ACADVL: variants seen among roughly 807,000 people sequenced by gnomAD.
The protein encoded by ACADVL is very long-chain acyl-CoA dehydrogenase, mitochondrial.
A neutral mutation model predicts 80.4 loss-of-function variants in ACADVL; 73 were observed. The ratio of observed to expected loss-of-function variants is 0.91; its 90% CI spans 0.75 to 1.10. The LOEUF (loss-of-function observed/expected upper bound fraction) is 1.10. Among genes scored for constraint, ACADVL ranks in the 50% least tolerant of loss-of-function variants. The pLI is 0.00. For missense variants in ACADVL, 878 were observed against 858.9 expected, an observed-to-expected ratio of 1.02 and a Z score of -0.28; for synonymous variants, 392 against 326.5, an observed-to-expected ratio of 1.20 and a Z score of -2.16.
intron 6 of ACADVL, 104 bp downstream of exon 6, chr17:7,221,162 C>A: frequency 6.3e-7 from 1 of 1,577,536 alleles, no homozygotes; most frequent in Non-Finnish European, 8.6e-7. Flanking sequence ...CTCTTCTAAG[C>A]ACCTGCCCTG....
At chr17:7,221,428 TAGGTCAGGAACTGCCC>T in intron 6 of ACADVL, 94 bp from the exon 7 acceptor site, 1 of 248,334 alleles carries the variant, frequency 4.0e-6, no homozygotes, top group Non-Finnish European at 5.4e-6. Flanking sequence ...GGCACTGCCC[TAGGTCAGGAACTGCCC>T]TAGGTCAGGA....
intron 1 of ACADVL, 34 bp from the exon 2 acceptor site, chr17:7,220,088 C>T (rs772487853): frequency 5.0e-6 from 8 of 1,593,900 alleles, no homozygotes; most frequent in Non-Finnish European, 6.8e-6. Context: ...CGGCCCTGGG[C>T]ACCGGGCCGG....
chr17:7,224,098 G>A lies in ACADVL; in HGVS notation c.1434+29G>A, dbSNP rs753273050. On this transcript the variant is annotated intron_variant, in intron 14 of 19. Coordinates refer to ENST00000356839, the MANE Select transcript of ACADVL (RefSeq NM_000018.4). ...AGACAGAGAATTGGGTGGGGGTAGA[G>A]GTGGGGAGGACAGTGAGTCCTGACT... 5 of 1,613,838 alleles carry A rather than the reference G, an allele frequency of 3.1e-6. No individual in the cohort carries two copies. In the African/African-American group the frequency reaches 6.7e-5, roughly 22 times the overall value.
chr17:7,223,098 C>G, intron 10 of ACADVL, 35 bp from the exon 11 acceptor site: 1 of 1,585,474 alleles, frequency 6.3e-7, no homozygotes. Flanking sequence ...CAGAACCACA[C>G]TGAACCACAG....
At chr17:7,222,470 A>G in intron 9 of ACADVL, 168 bp downstream of exon 9, 1 of 1,224,600 alleles carries the variant, frequency 8.2e-7, no homozygotes, top group Non-Finnish European at 1.1e-6. Context: ...TTTTGGCTCC[A>G]GCAACCAAGT....
Position 7,220,955 on chromosome 17 carries a change from T to C in ACADVL, c.374T>C (p.Leu125Pro), listed in dbSNP as rs1416443472. 2 of 1,613,968 alleles carry C rather than the reference T, an allele frequency of 1.2e-6. No homozygotes were observed. Among genetic ancestry groups the C allele is most frequent in the African/African-American group, 2.7e-5 (2 of 74,916 alleles). ...EVNDPAKNDA[L>P]EMVEETTWQG... is the part of the protein sequence containing the mutation. Reference sequence around the variant, plus strand: ...AACGATCCCGCCAAGAATGACGCTCTGGAGATGGTGGAGGAGACCACTTGG... The same window carrying C: ...AACGATCCCGCCAAGAATGACGCTCCGGAGATGGTGGAGGAGACCACTTGG... The change falls in exon 6 of 20, where the codon CTG becomes CCG. Residue 125 changes from leucine (L) to proline (P), a missense_variant. Transcript: ENST00000356839.
At chr17:7,222,531 G>A (rs1247140370) in intron 9 of ACADVL, 136 bp from the exon 10 acceptor site, 26 of 1,169,582 alleles carry the variant, frequency 2.2e-5, no homozygotes, top group African/African-American at 6.1e-5. Flanking sequence ...AGGGCCTGAG[G>A]GGAAGTGGTG....
In ACADVL at chr17:7,224,319, A is replaced by C. The variant is rs996348255; in HGVS notation, c.1533-2A>C. ...ACCAGTCATTCTCCCTCTTCCTCTCAGGCGGGCAGGGCTGGGCAGCGGCCT... is the reference window on the plus strand; with the variant it reads ...ACCAGTCATTCTCCCTCTTCCTCTCCGGCGGGCAGGGCTGGGCAGCGGCCT... On this transcript the variant is annotated splice_acceptor_variant, in intron 15 of 19. Transcript: ENST00000356839. LOFTEE classifies it high-confidence loss of function. The C allele has an allele frequency of 6.2e-7, 1 of 1,613,746 alleles. No individual in the cohort carries two copies. Among genetic ancestry groups the C allele is most frequent in the African/African-American group, 1.3e-5 (1 of 74,908 alleles).
chr17:7,221,491 G>T (rs1221782723), intron 6 of ACADVL, 47 bp from the exon 7 acceptor site: 21 of 1,612,790 alleles, frequency 1.3e-5, no homozygotes, highest in Non-Finnish European at 1.7e-5. Flanking sequence ...TTAAGGTCAG[G>T]TCCCCCTGCA....
In ACADVL at chr17:7,223,812, G is replaced by A. The variant is rs2142984967; in HGVS notation, c.1270-1G>A. The A allele has an allele frequency of 3.7e-6, 6 of 1,614,138 alleles. No individual in the cohort carries two copies. The highest frequency in any genetic ancestry group is 5.1e-6 in the Non-Finnish European group (6 of 1,180,028). On this transcript the variant is annotated splice_acceptor_variant, in intron 12 of 19. Coordinates refer to ENST00000356839, the MANE Select transcript of ACADVL (RefSeq NM_000018.4). LOFTEE classifies it high-confidence loss of function. The stretch of plus-strand genomic sequence containing the variant: ...CAGTCTCATCTGTTCTTTGTCCCTA[G>A]GAGGCAGCCTGGAAGGTGACAGATG...
intron 9 of ACADVL, 58 bp downstream of exon 9, chr17:7,222,360 C>A: frequency 6.3e-7 from 1 of 1,594,882 alleles, no homozygotes; most frequent in Non-Finnish European, 8.6e-7. Flanking sequence ...GGCTCCTGGG[C>A]AGATGGCTGT....
intron 11 of ACADVL, 53 bp downstream of exon 11, chr17:7,223,290 C>T (rs777868687): frequency 1.8e-5 from 27 of 1,512,110 alleles, no homozygotes; most frequent in Middle Eastern, 1.7e-4. Flanking sequence ...TCTTCCCAGT[C>T]GGGTCAGACT....
chr17:7,218,146 C>T (rs1333268710), upstream of ACADVL: 2 of 1,164,876 alleles, frequency 1.7e-6, no homozygotes, highest in East Asian at 5.1e-5. Flanking sequence ...GTCAGCAGGG[C>T]CCCCAAGATT....
upstream of ACADVL, chr17:7,218,897 T>G: frequency 6.2e-7 from 1 of 1,601,278 alleles, no homozygotes; most frequent in Non-Finnish European, 8.6e-7. Context: ...GGATTGGAGT[T>G]GAGCTGCTTC....
At chr17:7,223,396 A>G (rs1356517226) in intron 11 of ACADVL, 159 bp downstream of exon 11, 1 of 837,916 alleles carries the variant, frequency 1.2e-6, no homozygotes, top group Non-Finnish European at 2.0e-6. Context: ...TTCTGCGAAG[A>G]GAGACAGCAA....
chr17:7,219,636 A>C, upstream of ACADVL: 1 of 1,230,960 alleles, frequency 8.1e-7, no homozygotes, highest in South Asian at 1.8e-5. Flanking sequence ...CCACCGGAGA[A>C]GCCCTCCCTT....
chr17:7,222,422 T>C, intron 9 of ACADVL, 120 bp downstream of exon 9: 1 of 1,449,368 alleles, frequency 6.9e-7, no homozygotes, highest in Non-Finnish European at 9.3e-7. Flanking sequence ...GGACTGAATG[T>C]GGCCTTTGGG....
upstream of ACADVL, chr17:7,217,216 G>A: frequency 7.9e-7 from 1 of 1,261,240 alleles, no homozygotes; most frequent in South Asian, 3.5e-5. Flanking sequence ...CCTCCCCTCC[G>A]TGGGTTCTCA....
At chr17:7,221,849 C>G in intron 7 of ACADVL, 103 bp from the exon 8 acceptor site, 1 of 1,598,542 alleles carries the variant, frequency 6.3e-7, no homozygotes, top group South Asian at 1.1e-5. Context: ...CTGGATACTC[C>G]CAGGTGTTAA....
Sources: gnomAD v4.1 joint callset for allele counts on GRCh38, gnomAD v4.1.1 for gene constraint, MANE v1.5 for transcripts, NCBI Gene and HGNC (gene_info 2026-07-23, HGNC 2026-07-21) for gene names.